The following CNOT10 variants were observed in gnomAD, a reference collection of about 807,000 sequenced individuals.
CNOT10 encodes CCR4-NOT transcription complex subunit 10, also known as CCR4-NOT transcription complex, subunit 10.
In CNOT10, 30 loss-of-function variants were observed where a neutral mutation model predicts 94.6. That is an observed-to-expected ratio of 0.32 (90% CI 0.24 to 0.43). The LOEUF (loss-of-function observed/expected upper bound fraction) is 0.43, where lower values mean the gene tolerates loss of function less well. Ranked by LOEUF, CNOT10 falls within the 20% of genes least tolerant of loss-of-function variation. CNOT10 has a pLI of 1.00. For synonymous variants in CNOT10, 289 were observed against 301.6 expected (o/e 0.96, Z 0.43); for missense variants, 759 against 877.2 (o/e 0.87, Z 1.70).
intron 17 of CNOT10, among the ~76,000 whole-genome samples, chr3:32,767,342 A>G (rs912420141): frequency 1.3e-5 from 2 of 152,078 alleles, no homozygotes; most frequent in Non-Finnish European, 2.9e-5. Context: ...AACATGGAGA[A>G]ATCCTATCTC....
At chr3:32,728,276 G>A (rs7373227) in intron 10 of CNOT10, among the ~76,000 whole-genome samples, 29,617 of 151,986 alleles carry the variant, frequency 0.19, 3,596 homozygotes, top group African/African-American at 0.33. Flanking sequence ...GATTACAGGC[G>A]TGAAATGTAT....
Position 32,708,837 on chromosome 3 carries a change from G to A in CNOT10, c.430+17G>A, listed in dbSNP as rs761117334. ...AGCCTTTTGGTATGTTATCTGTCAA[G>A]TCAAAAATTTCCCTATCTTCCCTAT... On this transcript the variant is annotated intron_variant, in intron 4 of 18. Transcript: ENST00000328834. The A allele has an allele frequency of 5.7e-6, 9 of 1,591,572 alleles. No individual in the cohort carries two copies. Among genetic ancestry groups the A allele is most frequent in the Non-Finnish European group, 6.0e-6 (7 of 1,171,892 alleles).
intron 1 of CNOT10, among the ~76,000 whole-genome samples, chr3:32,686,740 T>C (rs1696618002): frequency 1.3e-5 from 2 of 152,182 alleles, no homozygotes; most frequent in Admixed American, 6.5e-5. Context: ...TATTTTAGAA[T>C]AGTGTCTGTG....
At chr3:32,688,368 G>A (rs547770422) in intron 1 of CNOT10, among the ~76,000 whole-genome samples, 1 of 152,106 alleles carries the variant, frequency 6.6e-6, no homozygotes, top group Admixed American at 6.5e-5. Context: ...GGAGGCTGAG[G>A]GGGGTGGATC....
chr3:32,695,675 C>T (rs964619871), intron 1 of CNOT10: 3 of 1,535,810 alleles, frequency 2.0e-6, no homozygotes, highest in Non-Finnish European at 2.6e-6. Flanking sequence ...TCAAAGAGCT[C>T]TGTACGCATA....
intron 1 of CNOT10, among the ~76,000 whole-genome samples, chr3:32,699,365 A>G (rs1697228390): frequency 6.6e-6 from 1 of 152,220 alleles, no homozygotes; most frequent in South Asian, 2.1e-4. Context: ...TTGTATTCCT[A>G]TACCATGATT....
Position 32,690,313 on chromosome 3 carries a change from T to C in CNOT10, c.22+4831T>C, listed in dbSNP as rs1559473122. Among the ~76,000 whole-genome samples the C allele has an allele frequency of 2.0e-5, 3 of 152,096 alleles. No individual in the cohort carries two copies. The South Asian group carries it at 6.2e-4, about 32-fold the overall frequency. On this transcript the variant is annotated intron_variant, in intron 1 of 18. Transcript: ENST00000328834. ...TTTCCTGCGTGTAGAATGAGAACGA[T>C]GAAAGTATCTACCTCACAGGTATGG...
chr3:32,734,345 A>G (rs1461260274), intron 11 of CNOT10, among the ~76,000 whole-genome samples: 2 of 152,228 alleles, frequency 1.3e-5, no homozygotes, highest in Non-Finnish European at 2.9e-5. Flanking sequence ...TTATAAGACA[A>G]AAAGTAATGT....
chr3:32,689,802 A>G (rs1696775954), intron 1 of CNOT10, among the ~76,000 whole-genome samples: 1 of 152,182 alleles, frequency 6.6e-6, no homozygotes, highest in South Asian at 2.1e-4. Flanking sequence ...AAAATAAAAA[A>G]AAATTAGCTA....
intron 1 of CNOT10, among the ~76,000 whole-genome samples, chr3:32,692,499 A>T (rs1455534264): frequency 6.6e-6 from 1 of 152,120 alleles, no homozygotes; most frequent in Non-Finnish European, 1.5e-5. Flanking sequence ...TATATACTTT[A>T]TTTTCTGTAT....
intron 13 of CNOT10, among the ~76,000 whole-genome samples, chr3:32,740,530 T>G (rs1186003093): frequency 6.6e-6 from 1 of 152,010 alleles, no homozygotes; most frequent in Non-Finnish European, 1.5e-5. Flanking sequence ...TTTTTTTGTT[T>G]TACAATATTT....
chr3:32,703,778 T>A (rs1247046214), intron 1 of CNOT10, 90 bp from the exon 2 acceptor site: 7 of 815,562 alleles, frequency 8.6e-6, no homozygotes. Context: ...TGACCTTGGG[T>A]AACTGAAACT....
At chr3:32,705,030 A>G (rs7429569) in intron 3 of CNOT10, 58 bp downstream of exon 3, 584,616 of 1,107,240 alleles carry the variant, frequency 0.53, 160,012 homozygotes, top group Non-Finnish European at 0.56. Context: ...AATTTATGAA[A>G]CACAAATAGT....
At chr3:32,697,089 T>C (rs1697110211) in intron 1 of CNOT10, among the ~76,000 whole-genome samples, 1 of 152,116 alleles carries the variant, frequency 6.6e-6, no homozygotes, top group Non-Finnish European at 1.5e-5. Context: ...TAGCTGAGAT[T>C]GTAGGCATAT....
intron 13 of CNOT10, among the ~76,000 whole-genome samples, chr3:32,738,834 C>T (rs1288213442): frequency 6.6e-6 from 1 of 151,632 alleles, no homozygotes. Context: ...AATTTATTGG[C>T]ATAACATTGT....
chr3:32,723,114 C>G (rs887083053), intron 8 of CNOT10, among the ~76,000 whole-genome samples: 11 of 152,078 alleles, frequency 7.2e-5, no homozygotes, highest in Non-Finnish European at 1.2e-4. Flanking sequence ...ATATTAAAGG[C>G]CGGGCACGGT....
intron 13 of CNOT10, among the ~76,000 whole-genome samples, chr3:32,756,462 A>G (rs969919044): frequency 6.6e-6 from 1 of 152,130 alleles, no homozygotes; most frequent in African/African-American, 2.4e-5. Flanking sequence ...AGTGGGCTGG[A>G]GCAGTAATAG....
chr3:32,772,740 G>A (rs1700969860), intron 18 of CNOT10, among the ~76,000 whole-genome samples: 1 of 152,108 alleles, frequency 6.6e-6, no homozygotes, highest in South Asian at 2.1e-4. Flanking sequence ...TGTTGACCTT[G>A]GGAACTCTTA....
At chr3:32,723,724 CAGA>C (rs1698525755) in intron 8 of CNOT10, among the ~76,000 whole-genome samples, 1 of 152,096 alleles carries the variant, frequency 6.6e-6, no homozygotes, top group African/African-American at 2.4e-5. Flanking sequence ...ACAGATGTGA[CAGA>C]AGGTTTCTAT....
Sources: gnomAD v4.1 joint callset for allele counts (sites outside exome capture counted in the v4.1 genomes callset) on GRCh38, gnomAD v4.1.1 for gene constraint, MANE v1.5 for transcripts, NCBI Gene and HGNC (gene_info 2026-07-23, HGNC 2026-07-21) for gene names.